The following NADSYN1 variants were observed in gnomAD, a reference collection of about 807,000 sequenced individuals.
The protein encoded by NADSYN1 is NAD synthetase 1, also known as glutamine-dependent NAD(+) synthetase.
In NADSYN1, 80 loss-of-function variants were observed where a neutral mutation model predicts 99.3. That is an observed-to-expected ratio of 0.81 (90% CI 0.67 to 0.97). NADSYN1 has a LOEUF of 0.97. Ranked by LOEUF, NADSYN1 falls within the 50% of genes least tolerant of loss-of-function variation. The pLI, the probability that NADSYN1 is intolerant of heterozygous loss-of-function variation, is 0.00. For synonymous variants in NADSYN1, 385 were observed against 372.1 expected, an observed-to-expected ratio of 1.03 and a Z score of -0.40; for missense variants, 859 against 948.5, an observed-to-expected ratio of 0.91 and a Z score of 1.24.
intron 3 of NADSYN1, 167 bp downstream of exon 3, chr11:71,458,711 G>A (rs1949529414): frequency 3.4e-6 from 2 of 584,790 alleles, no homozygotes; most frequent in African/African-American, 1.9e-5. Flanking sequence ...AGCCCCGTAA[G>A]CCACCTCATT....
rs1439205020 is a variant in NADSYN1 at position 71,491,674 on chromosome 11, G to A, written c.1695-160G>A. 5.3e-5 allele frequency among the ~76,000 whole-genome samples: 8 copies of A among 152,254 alleles called. No individual in the cohort carries two copies. The East Asian group carries it at 9.7e-4, about 18-fold the overall frequency. ...TCCTCAGCCCAGGATGCTCACCCCC[G>A]CTGGAAAGCCCAGCACCGCAAGCCT... On this transcript the variant is annotated intron_variant, in intron 17 of 20. Coordinates refer to ENST00000319023, the MANE Select transcript of NADSYN1 (RefSeq NM_018161.5).
chr11:71,456,419 C>T (rs139076801), intron 2 of NADSYN1, among the ~76,000 whole-genome samples: 7 of 152,330 alleles, frequency 4.6e-5, no homozygotes, highest in African/African-American at 9.6e-5. Flanking sequence ...CTCCTGGCCC[C>T]GTGGCCGGAT....
intron 18 of NADSYN1, among the ~76,000 whole-genome samples, chr11:71,493,558 C>CA (rs1270146318): frequency 6.0e-5 from 9 of 150,546 alleles, no homozygotes; most frequent in African/African-American, 2.2e-4. Context: ...TAGTTTTTAA[C>CA]AAAAAATGTT....
intron 1 of NADSYN1, 39 bp downstream of exon 1, chr11:71,453,420 G>A: frequency 6.4e-7 from 1 of 1,567,382 alleles, no homozygotes. Context: ...TTGGGGTGGC[G>A]CACGGGCACC....
intron 16 of NADSYN1, 103 bp downstream of exon 16, chr11:71,485,751 G>A: frequency 1.2e-6 from 1 of 856,210 alleles, no homozygotes; most frequent in East Asian, 2.9e-5. Flanking sequence ...TTCATGGCGG[G>A]TTTGGTGCCT....
Position 71,481,955 on chromosome 11 carries a change from G to A in NADSYN1, c.1080G>A (p.Val360=), listed in dbSNP as rs1298252294. The change falls in exon 13 of 21, where the codon GTG becomes GTA. Residue 360 remains valine (V), a synonymous_variant. Coordinates refer to ENST00000319023, the MANE Select transcript of NADSYN1 (RefSeq NM_018161.5). ...AGFLLPLSGG[V]DSAATACLIY... is the part of the protein sequence containing the mutation. Reference sequence around the variant, plus strand: ...TTTTGCTGCCCTTGAGTGGCGGGGTGGACAGCGCAGCCACCGCCTGCCTCA... The same window carrying A: ...TTTTGCTGCCCTTGAGTGGCGGGGTAGACAGCGCAGCCACCGCCTGCCTCA... 6 of 1,607,404 alleles carry A rather than the reference G, an allele frequency of 3.7e-6. No homozygotes were observed. The East Asian group carries it at 1.3e-4, about 36-fold the overall frequency.
At chr11:71,473,425 A>T (rs1949641958) in intron 7 of NADSYN1, 59 bp downstream of exon 7, 1 of 1,580,622 alleles carries the variant, frequency 6.3e-7, no homozygotes, top group Non-Finnish European at 8.7e-7. Context: ...AGCTGGGAGG[A>T]CCTGGGACTG....
chr11:71,464,717 A>C (rs945006182), intron 5 of NADSYN1, among the ~76,000 whole-genome samples: 10 of 151,898 alleles, frequency 6.6e-5, no homozygotes, highest in Non-Finnish European at 8.8e-5. Context: ...AATACAAAAA[A>C]TTAGCTGGGC....
At chr11:71,471,956 T>C (rs922666583) in intron 5 of NADSYN1, among the ~76,000 whole-genome samples, 1 of 152,068 alleles carries the variant, frequency 6.6e-6, no homozygotes, top group Admixed American at 6.6e-5. Context: ...GTGGAGCTTC[T>C]TGGGACACCT....
At chr11:71,474,114 G>C (rs559139656) in intron 8 of NADSYN1, among the ~76,000 whole-genome samples, 30 of 152,366 alleles carry the variant, frequency 2.0e-4, no homozygotes, top group African/African-American at 7.2e-4. Context: ...TCTTTGGCTT[G>C]TCTGAACCTC....
intron 16 of NADSYN1, among the ~76,000 whole-genome samples, chr11:71,490,392 G>A (rs1949770646): frequency 6.6e-6 from 1 of 152,218 alleles, no homozygotes; most frequent in African/African-American, 2.4e-5. Flanking sequence ...CCTGAGAGGT[G>A]ACAGAGTCAC....
intron 18 of NADSYN1, among the ~76,000 whole-genome samples, chr11:71,494,227 A>T (rs1299822791): frequency 1.3e-5 from 2 of 152,166 alleles, no homozygotes; most frequent in African/African-American, 2.4e-5. Flanking sequence ...GAAGTGCCCT[A>T]TGCAGGTGTC....
chr11:71,456,522 G>A (rs994639342), intron 2 of NADSYN1, among the ~76,000 whole-genome samples: 1 of 152,190 alleles, frequency 6.6e-6, no homozygotes, highest in African/African-American at 2.4e-5. Context: ...CCTGTCTGCT[G>A]CTTGCCCTGG....
In NADSYN1 at chr11:71,458,489, C is replaced by G; in HGVS notation, c.208C>G (p.Leu70Val). The change falls in exon 3 of 21, where the codon CTA (leucine) becomes GTA (valine). Residue 70 changes from leucine (L) to valine (V), a missense_variant. Transcript: ENST00000319023. ...SDTLLHSFQV[L>V]AALVESPVTQ... ...CACCCTCTTGCACTCGTTTCAAGTC[C>G]TAGCGGCCCTTGTGGAGTCTCCCGT... 2 of 1,614,020 alleles carry G rather than the reference C, an allele frequency of 1.2e-6. No homozygotes were observed. The highest frequency in any genetic ancestry group is 1.7e-6 in the Non-Finnish European group (2 of 1,179,900).
Position 71,481,574 on chromosome 11 carries a change from T to G in NADSYN1, c.1047+170T>G, listed in dbSNP as rs1210227209. On this transcript the variant is annotated intron_variant, in intron 12 of 20. Coordinates refer to ENST00000319023, the MANE Select transcript of NADSYN1 (RefSeq NM_018161.5). ...TAGTCTGTGCTAGCCAGAGGCAAGG[T>G]GGGCACAGTGGCTGGTGGGTCAGCT... 32 of 679,830 alleles carry G rather than the reference T, an allele frequency of 4.7e-5. No homozygotes were observed. In the South Asian group the frequency reaches 5.4e-4, roughly 12 times the overall value. 42.1% of individuals were successfully genotyped at this position (679,830 alleles called of 1,614,324 possible). A position where few individuals can be genotyped will look rare whatever the true frequency, so the allele number is the denominator to read the frequency against.
At position 71,497,480 on chromosome 11, in the gene NADSYN1, C is replaced by G; in HGVS notation, c.1765-3C>G. 1 of 1,614,046 alleles carries G rather than the reference C, an allele frequency of 6.2e-7. No homozygotes were observed. Among genetic ancestry groups the G allele is most frequent in the Non-Finnish European group, 8.5e-7 (1 of 1,180,004 alleles). On this transcript the variant is annotated splice_polypyrimidine_tract_variant and splice_region_variant and intron_variant, in intron 18 of 20. Transcript: ENST00000319023. The stretch of plus-strand genomic sequence containing the variant: ...TCATGGAACAGATTTTTGTTGTGCA[C>G]AGGAAGATATGGGGATGACATATGC...
intron 3 of NADSYN1, among the ~76,000 whole-genome samples, chr11:71,463,020 G>T (rs992904881): frequency 3.1e-4 from 47 of 152,176 alleles, no homozygotes; most frequent in Admixed American, 3.3e-4. Flanking sequence ...CAAATGGAGG[G>T]GTTCCACCTG....
At chr11:71,472,730 C>T (rs553568195) in intron 6 of NADSYN1, among the ~76,000 whole-genome samples, 93 of 152,366 alleles carry the variant, frequency 6.1e-4, no homozygotes, top group Middle Eastern at 3.4e-3. Flanking sequence ...CCTCCCTTCC[C>T]CCACTCACAC....
intron 17 of NADSYN1, 137 bp downstream of exon 17, chr11:71,491,113 T>A (rs1949776040): frequency 5.9e-6 from 7 of 1,196,452 alleles, no homozygotes; most frequent in South Asian, 1.5e-5. Context: ...AGCTGGCACT[T>A]GAGGCCTGCA....
Sources: gnomAD v4.1 joint callset for allele counts (sites outside exome capture counted in the v4.1 genomes callset) on GRCh38, gnomAD v4.1.1 for gene constraint, MANE v1.5 for transcripts, NCBI Gene and HGNC (gene_info 2026-07-23, HGNC 2026-07-21) for gene names.